The following PPFIBP1 variants were observed in gnomAD, a reference collection of about 807,000 sequenced individuals.
PPFIBP1 encodes PPFIB scaffold protein 1.
In PPFIBP1, 112 loss-of-function variants were observed where a neutral mutation model predicts 137.8. The observed-to-expected ratio is 0.81, with a 90% CI of 0.70 to 0.95. The LOEUF (loss-of-function observed/expected upper bound fraction) is 0.95. Among genes scored for constraint, PPFIBP1 ranks in the 40% least tolerant of loss-of-function variants. PPFIBP1 has a pLI of 0.00. For missense variants in PPFIBP1, 1,083 were observed against 1,196.6 expected, an observed-to-expected ratio of 0.91 and a Z score of 1.40; for synonymous variants, 378 against 417.3, an observed-to-expected ratio of 0.91 and a Z score of 1.15.
At chr12:27,674,828 T>TTTTC (rs1385029079) in intron 17 of PPFIBP1, among the ~76,000 whole-genome samples, 10 of 148,028 alleles carry the variant, frequency 6.8e-5, no homozygotes, top group African/African-American at 2.5e-4. Context: ...TTTTTTTTTT[T>TTTTC]TTTTGAAATG....
At chr12:27,588,960 A>T (rs1182915789) in intron 2 of PPFIBP1, among the ~76,000 whole-genome samples, 2 of 152,192 alleles carry the variant, frequency 1.3e-5, no homozygotes, top group Non-Finnish European at 2.9e-5. Flanking sequence ...AATTGTGCTC[A>T]TGACTGGCTC....
chr12:27,584,852 G>A (rs11049054), intron 2 of PPFIBP1, among the ~76,000 whole-genome samples: 66,693 of 152,022 alleles, frequency 0.44, 15,402 homozygotes, highest in Non-Finnish European at 0.52. Context: ...GGTAGTAATG[G>A]CCAGCACCTA....
At chr12:27,569,182 T>G (rs2049935095) in intron 1 of PPFIBP1, among the ~76,000 whole-genome samples, 1 of 152,224 alleles carries the variant, frequency 6.6e-6, no homozygotes, top group Non-Finnish European at 1.5e-5. Flanking sequence ...TTGATTTTTC[T>G]CCCGCTTTAA....
chr12:27,686,729 G>A (rs1253538360), intron 24 of PPFIBP1, among the ~76,000 whole-genome samples: 1 of 152,140 alleles, frequency 6.6e-6, no homozygotes, highest in African/African-American at 2.4e-5. Flanking sequence ...AAATTATGAT[G>A]TGCCTTAGTT....
intron 3 of PPFIBP1, among the ~76,000 whole-genome samples, chr12:27,634,311 G>A (rs7969739): frequency 2.0e-5 from 3 of 151,738 alleles, no homozygotes; most frequent in East Asian, 3.9e-4. Flanking sequence ...ACAGGCACAC[G>A]CCACTGCACT....
chr12:27,663,619 T>C (rs576317812), intron 11 of PPFIBP1, among the ~76,000 whole-genome samples: 25 of 152,212 alleles, frequency 1.6e-4, no homozygotes, highest in African/African-American at 5.1e-4. Flanking sequence ...GGTGGACAGA[T>C]TACTTGAGCC....
intron 2 of PPFIBP1, among the ~76,000 whole-genome samples, chr12:27,624,431 C>G (rs1430559743): frequency 1.3e-5 from 2 of 152,206 alleles, no homozygotes; most frequent in Non-Finnish European, 2.9e-5. Context: ...ATCAGTTTTT[C>G]AATAGCAGCA....
intron 10 of PPFIBP1, 63 bp from the exon 11 acceptor site, chr12:27,660,817 GTAAA>G: frequency 6.4e-7 from 1 of 1,563,804 alleles, no homozygotes; most frequent in South Asian, 1.2e-5. Flanking sequence ...AGTCTGGAGA[GTAAA>G]TAACTTCTTA....
intron 24 of PPFIBP1, among the ~76,000 whole-genome samples, chr12:27,686,356 C>G (rs1200388597): frequency 6.6e-6 from 1 of 152,078 alleles, no homozygotes; most frequent in Non-Finnish European, 1.5e-5. Flanking sequence ...TAGACTGTTG[C>G]TTATCTTCAT....
At chr12:27,658,138 GA>G (rs56797899) in intron 9 of PPFIBP1, among the ~76,000 whole-genome samples, 31,987 of 122,742 alleles carry the variant, frequency 0.26, 3,777 homozygotes, top group African/African-American at 0.27. Flanking sequence ...TCCTGTCTCT[GA>G]AAAAAAAAAA....
intron 1 of PPFIBP1, among the ~76,000 whole-genome samples, chr12:27,526,624 A>G (rs1294896265): frequency 6.6e-6 from 1 of 152,188 alleles, no homozygotes; most frequent in African/African-American, 2.4e-5. Flanking sequence ...ACCTGAGGTC[A>G]GGAGTTGGAG....
At chr12:27,665,009 G>C (rs1565970744) in intron 12 of PPFIBP1, among the ~76,000 whole-genome samples, 1 of 152,170 alleles carries the variant, frequency 6.6e-6, no homozygotes, top group Non-Finnish European at 1.5e-5. Context: ...CCAACATGGT[G>C]ATACCACGTC....
chr12:27,595,382 G>A (rs1443337877), intron 2 of PPFIBP1, among the ~76,000 whole-genome samples: 9 of 152,170 alleles, frequency 5.9e-5, no homozygotes, highest in Non-Finnish European at 8.8e-5. Flanking sequence ...GGGGAGACGT[G>A]AGAAATCCTT....
intron 2 of PPFIBP1, chr12:27,592,775 G>A (rs2052675527): frequency 1.3e-6 from 1 of 789,206 alleles, no homozygotes; most frequent in Non-Finnish European, 2.2e-6. Flanking sequence ...GAATATGTTA[G>A]GTAGGCGTAA....
chr12:27,673,966 G>A, intron 16 of PPFIBP1, 139 bp downstream of exon 16: 2 of 833,688 alleles, frequency 2.4e-6, no homozygotes, highest in Non-Finnish European at 3.8e-6. Flanking sequence ...TAGATGTTAG[G>A]TTTAACAGTA....
At chr12:27,566,912 CT>C (rs1320269977) in intron 1 of PPFIBP1, among the ~76,000 whole-genome samples, 1 of 152,190 alleles carries the variant, frequency 6.6e-6, no homozygotes, top group Non-Finnish European at 1.5e-5. Context: ...TTTCCTACCC[CT>C]GTTACTAGGA....
intron 1 of PPFIBP1, among the ~76,000 whole-genome samples, chr12:27,537,080 T>A (rs1262994271): frequency 6.6e-6 from 1 of 152,166 alleles, no homozygotes; most frequent in Non-Finnish European, 1.5e-5. Flanking sequence ...TCCTTCTCTC[T>A]GATACAGACC....
intron 1 of PPFIBP1, among the ~76,000 whole-genome samples, chr12:27,564,053 A>G (rs1229369896): frequency 2.0e-5 from 3 of 151,934 alleles, no homozygotes; most frequent in Non-Finnish European, 4.4e-5. Flanking sequence ...TTGTATTTTT[A>G]GTAGAGACAG....
intron 11 of PPFIBP1, 136 bp downstream of exon 11, chr12:27,661,081 A>C: frequency 2.3e-6 from 3 of 1,317,622 alleles, no homozygotes; most frequent in South Asian, 1.6e-5. Context: ...AGGTGTGCAC[A>C]CTCCCAGGTG....
Sources: allele counts gnomAD v4.1 joint callset (sites outside exome capture counted in the v4.1 genomes callset), GRCh38; gene constraint gnomAD v4.1.1; transcripts MANE v1.5; gene names NCBI Gene and HGNC (gene_info 2026-07-23, HGNC 2026-07-21).